Variants in KCNMA1 observed in about 807,000 individuals in gnomAD.
KCNMA1 encodes potassium calcium-activated channel subfamily M alpha 1, also known as Calcium-activated potassium channel subunit alpha-1.
In KCNMA1, 29 loss-of-function variants were observed where a neutral mutation model predicts 140.0. The ratio of observed to expected loss-of-function variants is 0.21; its 90% CI spans 0.15 to 0.28. KCNMA1 has a LOEUF of 0.28. Ranked by LOEUF, KCNMA1 falls within the 10% of genes least tolerant of loss-of-function variation. The pLI is 1.00. For missense variants in KCNMA1, 880 were observed against 1,602.2 expected (o/e 0.55, Z 7.70); for synonymous variants, 612 against 611.9 (o/e 1.00, Z 0.00).
chr10:76,908,637 T>C (rs1432287303), intron 25 of KCNMA1, among the ~76,000 whole-genome samples: 1 of 152,248 alleles, frequency 6.6e-6, no homozygotes, highest in Non-Finnish European at 1.5e-5. Flanking sequence ...ATCAGTTGTT[T>C]AGCACATTCA....
chr10:77,000,309 A>G (rs1250418789), intron 19 of KCNMA1, among the ~76,000 whole-genome samples: 1 of 152,244 alleles, frequency 6.6e-6, no homozygotes, highest in Non-Finnish European at 1.5e-5. Context: ...TTATACTTCA[A>G]GTAAAGTCCT....
intron 1 of KCNMA1, among the ~76,000 whole-genome samples, chr10:77,499,472 T>C (rs577748031): frequency 1.8e-4 from 27 of 147,474 alleles, no homozygotes; most frequent in Non-Finnish European, 2.8e-4. Flanking sequence ...TATATACACA[T>C]ACATACATAT....
intron 20 of KCNMA1, among the ~76,000 whole-genome samples, chr10:76,962,519 T>C (rs979490541): frequency 6.6e-6 from 1 of 152,130 alleles, no homozygotes; most frequent in Admixed American, 6.5e-5. Flanking sequence ...TTATTGAGCA[T>C]CTATTATGTA....
At chr10:77,201,637 T>C (rs2042515191) in intron 3 of KCNMA1, among the ~76,000 whole-genome samples, 1 of 152,220 alleles carries the variant, frequency 6.6e-6, no homozygotes, top group Non-Finnish European at 1.5e-5. Flanking sequence ...GAAATTAGTA[T>C]TATTTTAAAG....
intron 14 of KCNMA1, among the ~76,000 whole-genome samples, chr10:77,047,718 G>T (rs1420127369): frequency 5.9e-5 from 9 of 151,872 alleles, no homozygotes; most frequent in Admixed American, 4.6e-4. Flanking sequence ...TGTTCAGAGA[G>T]GAATTTGGTT....
At chr10:76,987,857 A>T (rs74745015) in intron 19 of KCNMA1, among the ~76,000 whole-genome samples, 3 of 152,164 alleles carry the variant, frequency 2.0e-5, no homozygotes, top group Admixed American at 1.3e-4. Context: ...ATCCTCTTAA[A>T]AAACAAGGAA....
intron 1 of KCNMA1, among the ~76,000 whole-genome samples, chr10:77,480,761 C>T (rs529033288): frequency 6.6e-6 from 1 of 152,124 alleles, no homozygotes; most frequent in South Asian, 2.1e-4. Flanking sequence ...ACCCTACCCA[C>T]AGTAATCTCA....
chr10:77,209,534 T>C (rs1480159193), intron 3 of KCNMA1, among the ~76,000 whole-genome samples: 12 of 152,176 alleles, frequency 7.9e-5, no homozygotes, highest in Admixed American at 7.9e-4. Flanking sequence ...GGGAGAATCA[T>C]AAATTTGAAC....
chr10:77,112,310 T>A (rs2097344636), intron 7 of KCNMA1, 57 bp downstream of exon 7: 7 of 1,218,554 alleles, frequency 5.7e-6, no homozygotes, highest in Non-Finnish European at 8.5e-6. Flanking sequence ...ATAAAATGAC[T>A]CAGAGAGGGT....
At chr10:77,453,401 C>T (rs2097700071) in intron 1 of KCNMA1, among the ~76,000 whole-genome samples, 1 of 150,730 alleles carries the variant, frequency 6.6e-6, no homozygotes, top group Admixed American at 6.6e-5. Context: ...AATCTTATCT[C>T]ACCATTCAAA....
chr10:77,628,649 C>CA lies in KCNMA1; in HGVS notation c.378+8615dup, dbSNP rs72518245. On this transcript the variant is annotated intron_variant, in intron 1 of 27. Transcript: ENST00000286628. ...TGGGCAACACAGCAAGACGGTATCT[C>CA]AAAAAAAAAAAAAAATCTAAAATCC... Among the ~76,000 whole-genome samples, 367 of 131,036 alleles carry CA rather than the reference C, an allele frequency of 2.8e-3. 2 individuals carry two copies. The highest frequency in any genetic ancestry group is 0.012 in the Middle Eastern group (3 of 244). 86.0% of individuals were successfully genotyped at this position (131,036 alleles called of 152,430 possible).
At chr10:77,350,780 G>C (rs922008205) in intron 2 of KCNMA1, 1 of 152,242 alleles carries the variant, frequency 6.6e-6, no homozygotes, top group East Asian at 1.9e-4. Flanking sequence ...ACCTCCAGGG[G>C]TGCACCAATT....
chr10:77,061,659 T>A (rs2095755528), intron 14 of KCNMA1, among the ~76,000 whole-genome samples: 1 of 152,212 alleles, frequency 6.6e-6, no homozygotes, highest in African/African-American at 2.4e-5. Context: ...TTCGAGATAC[T>A]TACCCTAGAG....
intron 2 of KCNMA1, among the ~76,000 whole-genome samples, chr10:77,313,622 C>A (rs1240662269): frequency 6.6e-6 from 1 of 152,150 alleles, no homozygotes; most frequent in Non-Finnish European, 1.5e-5. Context: ...CCTGGCAACC[C>A]CAGGAAACCT....
At chr10:77,393,832 G>A (rs551242795) in intron 2 of KCNMA1, among the ~76,000 whole-genome samples, 107 of 152,364 alleles carry the variant, frequency 7.0e-4, no homozygotes, top group Admixed American at 1.6e-3. Context: ...CAAAGGGGCA[G>A]GGTTTCTCAC....
chr10:77,411,869 G>A (rs1051035322), intron 1 of KCNMA1, among the ~76,000 whole-genome samples: 3 of 152,172 alleles, frequency 2.0e-5, no homozygotes, highest in East Asian at 1.9e-4. Context: ...CCAAGCTGAC[G>A]GGCTGTGAAG....
intron 2 of KCNMA1, among the ~76,000 whole-genome samples, chr10:77,384,418 T>C (rs539838687): frequency 7.0e-4 from 107 of 152,334 alleles, no homozygotes; most frequent in Admixed American, 1.5e-3. Flanking sequence ...GCTCGGATCA[T>C]TGGTGGCTGA....
At chr10:76,936,656 A>T (rs1319662545) in intron 23 of KCNMA1, among the ~76,000 whole-genome samples, 1 of 152,150 alleles carries the variant, frequency 6.6e-6, no homozygotes, top group Non-Finnish European at 1.5e-5. Flanking sequence ...GTGTGTGAGG[A>T]TACATGTATA....
chr10:77,375,893 T>C (rs546401307), intron 2 of KCNMA1, among the ~76,000 whole-genome samples: 488 of 152,066 alleles, frequency 3.2e-3, no homozygotes, highest in Admixed American at 9.3e-3. Flanking sequence ...TGTGGCTGCA[T>C]CCAGCCTGCA....
Sources: gnomAD v4.1 joint callset for allele counts (sites outside exome capture counted in the v4.1 genomes callset) on GRCh38, gnomAD v4.1.1 for gene constraint, MANE v1.5 for transcripts, NCBI Gene and HGNC (gene_info 2026-07-23, HGNC 2026-07-21) for gene names.